The following NEB variants were observed in gnomAD, a reference collection of about 807,000 sequenced individuals.
NEB encodes nebulin.
A neutral mutation model predicts 952.2 loss-of-function variants in NEB; 512 were observed. That is an observed-to-expected ratio of 0.54 (90% CI 0.50 to 0.58). The LOEUF (loss-of-function observed/expected upper bound fraction) is 0.58, where lower values mean the gene tolerates loss of function less well. Among genes scored for constraint, NEB ranks in the 20% least tolerant of loss-of-function variants. The probability of loss-of-function intolerance (pLI) is 0.00; values close to 1 mark genes in which losing one functional copy is unlikely to be tolerated. For synonymous variants in NEB, 2,900 were observed against 3,149.8 expected, an observed-to-expected ratio of 0.92 and a Z score of 2.66; for missense variants, 8,428 against 9,231.1, an observed-to-expected ratio of 0.91 and a Z score of 3.56.
chr2:151,684,311 T>C (rs2099467927), intron 28 of NEB, among the ~76,000 whole-genome samples: 1 of 152,200 alleles, frequency 6.6e-6, no homozygotes, highest in South Asian at 2.1e-4. Flanking sequence ...AGTTCTGATC[T>C]GCAGAAAAAA....
chr2:151,492,702 G>A (rs1303585882), intron 176 of NEB: 13 of 378,184 alleles, frequency 3.4e-5, no homozygotes, highest in Admixed American at 2.6e-4. Context: ...TTTTGACTTC[G>A]AAAATGAAAC....
chr2:151,730,153 ACATCT>A (rs2099802438), intron 3 of NEB, among the ~76,000 whole-genome samples: 1 of 152,192 alleles, frequency 6.6e-6, no homozygotes, highest in Non-Finnish European at 1.5e-5. Context: ...AGGTATATCC[ACATCT>A]CAATTATTCC....
rs752889625 is a variant in NEB at position 151,627,642 on chromosome 2, T to C, written c.10024A>G (p.Lys3342Glu). Residue 3342 changes from lysine to glutamate, a missense_variant, in exon 69 of 182, where the codon AAG (lysine) becomes GAG (glutamate). Lys to Glu is a moderately conservative substitution (Grantham distance 56). Around this residue, in one of 11 missense-constraint regions of NEB, gnomAD observed 1,772 missense variants for 1,960.3 expected, o/e 0.90. Transcript: ENST00000397345. ...PVDMLGVVLAKKCQTLVSDVD... is the reference protein window; with the variant it reads ...PVDMLGVVLAEKCQTLVSDVD... ...TCGCTGACTAAGGTCTGGCACTTCTTGGCTAACACCACTCCCAGCATGTCC... is the reference window on the plus strand; with the variant it reads ...TCGCTGACTAAGGTCTGGCACTTCTCGGCTAACACCACTCCCAGCATGTCC... 7.4e-6 allele frequency: 12 copies of C among 1,613,906 alleles called. No individual in the cohort carries two copies. Among genetic ancestry groups the C allele is most frequent in the Non-Finnish European group, 1.0e-5 (12 of 1,179,886 alleles).
In NEB at chr2:151,485,830, C is replaced by A; in HGVS notation, c.25508G>T (p.Trp8503Leu). Residue 8503 changes from tryptophan (W) to leucine (L), a missense_variant, in exon 182 of 182, where the codon TGG becomes TTG. Coordinates refer to ENST00000397345, the MANE Select transcript of NEB (RefSeq NM_001164508.2). ...IINVQAIDEG[W>L]MYGTVQRTGR... ...AGTCCTCTGCACAGTGCCATACATC[C>A]AGCCTTCATCAATTGCTTGAACATT... The A allele has an allele frequency of 6.2e-7, 1 of 1,614,094 alleles. No homozygotes were observed. Among genetic ancestry groups the A allele is most frequent in the Non-Finnish European group, 8.5e-7 (1 of 1,179,956 alleles).
intron 25 of NEB, 65 bp downstream of exon 25, chr2:151,688,227 A>T: frequency 7.7e-7 from 1 of 1,306,720 alleles, no homozygotes; most frequent in Non-Finnish European, 1.1e-6. Flanking sequence ...CTTGTCTTTT[A>T]AAATTTAAAA....
intron 168 of NEB, 28 bp downstream of exon 168, chr2:151,501,363 T>C (rs1180934798): frequency 1.0e-5 from 14 of 1,361,990 alleles, no homozygotes; most frequent in African/African-American, 4.3e-5. Context: ...TTTTTTAATA[T>C]GGAGTTAAAG....
chr2:151,533,593 A>G, intron 142 of NEB, 47 bp from the exon 143 acceptor site: 1 of 1,249,066 alleles, frequency 8.0e-7, no homozygotes, highest in South Asian at 1.3e-5. Flanking sequence ...TTATGAAGAC[A>G]GAAAAGAACA....
Position 151,526,051 on chromosome 2 carries a change from A to G in NEB, c.22068T>C (p.His7356=), listed in dbSNP as rs779559380. The change falls in exon 150 of 182, where the codon CAT becomes CAC. Residue 7356 remains histidine, a synonymous_variant. Transcript: ENST00000397345. The stretch of plus-strand genomic sequence containing the variant: ...AGCCCTGTGCCAAGTGCTTCTTGAC[A>G]TGGTCCTTGTACTTGTTCTGGGGGA... ...NLVSENKYKD[H]VKKHLAQGSY... is the part of the protein sequence containing the mutation. 3.1e-5 allele frequency: 50 copies of G among 1,613,784 alleles called. No homozygotes were observed. Among genetic ancestry groups the G allele is most frequent in the Non-Finnish European group, 3.6e-5 (43 of 1,179,836 alleles).
chr2:151,609,728 A>T, intron 81 of NEB, 81 bp downstream of exon 81: 2 of 1,355,970 alleles, frequency 1.5e-6, no homozygotes, highest in Non-Finnish European at 2.0e-6. Flanking sequence ...AGCCCAGGGG[A>T]CTGTCCTCAG....
Position 151,671,230 on chromosome 2 carries a change from C to T in NEB, c.4300-1G>A. 6.2e-7 allele frequency: 1 copy of T among 1,609,890 alleles called. No individual in the cohort carries two copies. ...TGTTATACTCGTCTTTATACACATT[C>T]TGTAAAAGGGTAAGCTAATATGAGA... On this transcript the variant is annotated splice_acceptor_variant, in intron 37 of 181. Coordinates refer to ENST00000397345, the MANE Select transcript of NEB (RefSeq NM_001164508.2). LOFTEE classifies it high-confidence loss of function.
chr2:151,572,237 G>A (rs557356525), intron 107 of NEB, among the ~76,000 whole-genome samples: 68 of 152,110 alleles, frequency 4.5e-4, no homozygotes, highest in African/African-American at 1.3e-3. Flanking sequence ...CAGGAGCATC[G>A]CTTGAACCCG....
chr2:151,688,349 T>C lies in NEB; in HGVS notation c.2358A>G (p.Ile786Met), dbSNP rs758923732. ...GGATAAACTGTGGAGCATCTGCTGG[T>C]ATATGGCACTTGAACTTCTCACCTT... ...KHEGEKFKCH[I>M]PADAPQFIQH... The change falls in exon 25 of 182, where the codon ATA becomes ATG. Residue 786 changes from isoleucine to methionine, a missense_variant. By Grantham distance (10) the Ile-to-Met change is conservative. This residue lies in a region of NEB where 2,851 missense variants were observed against 2,791.5 expected (regional missense o/e 1.02). Coordinates refer to ENST00000397345, the MANE Select transcript of NEB (RefSeq NM_001164508.2). The C allele has an allele frequency of 1.2e-6, 2 of 1,613,974 alleles. No homozygotes were observed. Among genetic ancestry groups the C allele is most frequent in the East Asian group, 2.2e-5 (1 of 44,878 alleles).
chr2:151,638,479 G>A (rs745401996), intron 63 of NEB, among the ~76,000 whole-genome samples: 3 of 152,194 alleles, frequency 2.0e-5, no homozygotes, highest in African/African-American at 7.2e-5. Flanking sequence ...ATCTCTGGGG[G>A]TTGGCACAGA....
intron 13 of NEB, among the ~76,000 whole-genome samples, chr2:151,704,754 C>G (rs1210402342): frequency 6.6e-6 from 1 of 152,334 alleles, no homozygotes; most frequent in Non-Finnish European, 1.5e-5. Context: ...CCTGCGCCCA[C>G]TGTCTGGCAC....
At position 151,653,824 on chromosome 2, in the gene NEB, T is replaced by C. The variant is rs973978540; in HGVS notation, c.6915+168A>G. Among the ~76,000 whole-genome samples, 9 of 152,094 alleles carry C rather than the reference T, an allele frequency of 5.9e-5. No individual in the cohort carries two copies. In the East Asian group the frequency reaches 1.5e-3, roughly 26 times the overall value. On this transcript the variant is annotated intron_variant, in intron 52 of 181. Coordinates refer to ENST00000397345, the MANE Select transcript of NEB (RefSeq NM_001164508.2). ...CTATTCAGGAAGCCCTTTTGACATA[T>C]GAACAGTGAAAGAGAAGAGTGAACT... is the stretch of plus-strand genomic sequence containing the variant.
At position 151,687,406 on chromosome 2, in the gene NEB, C is replaced by T; in HGVS notation, c.2637+13G>A. On this transcript the variant is annotated intron_variant, in intron 27 of 181. Coordinates refer to ENST00000397345, the MANE Select transcript of NEB (RefSeq NM_001164508.2). ...CCATCTTGAAAACAAGACAGATTCA[C>T]AAAGACACTCACATCACTCTGGTTT... is the stretch of plus-strand genomic sequence containing the variant. 6.2e-7 allele frequency: 1 copy of T among 1,601,814 alleles called. No individual in the cohort carries two copies. Among genetic ancestry groups the T allele is most frequent in the Non-Finnish European group, 8.6e-7 (1 of 1,168,990 alleles).
At chr2:151,523,574 T>G (rs1250639053) in intron 153 of NEB, among the ~76,000 whole-genome samples, 2 of 152,196 alleles carry the variant, frequency 1.3e-5, no homozygotes. Context: ...CTCTGATAGG[T>G]CTGGTGGTAG....
In NEB at chr2:151,524,559, G is replaced by T. The variant is rs771868579; in HGVS notation, c.22330C>A (p.Pro7444Thr). ...NLHYTTVADR[P>T]DIKKATQAAK... ...GCCTGTGTGGCCTTCTTGATGTCTG[G>T]TCGATCAGCCACTGTGGTGTAATGC... The change falls in exon 152 of 182, where the codon CCA becomes ACA. Residue 7444 changes from proline (P) to threonine (T), a missense_variant. By Grantham distance (38) the Pro-to-Thr change is conservative (BLOSUM62 -1). This residue lies in a region of NEB where 3,374 missense variants were observed against 3,651.5 expected (regional missense o/e 0.92). Transcript: ENST00000397345. The T allele has an allele frequency of 2.5e-6, 4 of 1,613,058 alleles. No individual in the cohort carries two copies. Among genetic ancestry groups the T allele is most frequent in the Non-Finnish European group, 3.4e-6 (4 of 1,179,730 alleles).
At chr2:151,710,326 G>A in intron 11 of NEB, 108 bp downstream of exon 11, 1 of 600,744 alleles carries the variant, frequency 1.7e-6, no homozygotes. Flanking sequence ...CAAGAAGAGG[G>A]GCCTCAAGTG....
Sources: gnomAD v4.1 joint callset for allele counts (sites outside exome capture counted in the v4.1 genomes callset) on GRCh38, gnomAD v4.1.1 for gene constraint, gnomAD v4.1.1 regional missense constraint, MANE v1.5 for transcripts, NCBI Gene and HGNC (gene_info 2026-07-23, HGNC 2026-07-21) for gene names.